Variants in UBA3 observed in about 807,000 individuals in gnomAD.
UBA3 encodes NEDD8-activating enzyme E1 catalytic subunit.
Under a neutral mutation model 73.5 loss-of-function variants are expected in UBA3, and 26 were observed. The ratio of observed to expected loss-of-function variants is 0.35; its 90% confidence interval spans 0.26 to 0.49. The LOEUF (loss-of-function observed/expected upper bound fraction) is 0.49, where lower values mean the gene tolerates loss of function less well. Ranked by LOEUF, UBA3 falls within the 20% of genes least tolerant of loss-of-function variation. The pLI, the probability that UBA3 is intolerant of heterozygous loss-of-function variation, is 0.98. For missense variants in UBA3, 495 were observed against 555.6 expected, an observed-to-expected ratio of 0.89 and a Z score of 1.10; for synonymous variants, 217 against 191.2, an observed-to-expected ratio of 1.13 and a Z score of -1.11.
chr3:69,060,277 A>G (rs945996683), intron 11 of UBA3, among the ~76,000 whole-genome samples: 2 of 151,910 alleles, frequency 1.3e-5, no homozygotes, highest in African/African-American at 4.8e-5. Flanking sequence ...CTATACTTGG[A>G]TATTAAGAAA....
chr3:69,069,954 A>G (rs1308519210), intron 5 of UBA3, among the ~76,000 whole-genome samples: 3 of 152,236 alleles, frequency 2.0e-5, no homozygotes, highest in Non-Finnish European at 4.4e-5. Flanking sequence ...CCACCTCAAT[A>G]AAATGGCCTT....
At chr3:69,065,227 C>T (rs924036912) in intron 6 of UBA3, among the ~76,000 whole-genome samples, 13 of 152,020 alleles carry the variant, frequency 8.6e-5, no homozygotes, top group Non-Finnish European at 1.5e-4. Flanking sequence ...GAGTGCCCCC[C>T]ACTAACCAAC....
chr3:69,054,904 A>G lies in UBA3; in HGVS notation c.*533T>C, dbSNP rs1250996875. On this transcript the variant is annotated 3_prime_UTR_variant, in exon 18 of 18. Transcript: ENST00000361055. ...TGCCCATTTTCATGCACAGGTATTC[A>G]GCTATAACACCATTTACAAATCATT... The G allele has an allele frequency of 2.0e-5, 3 of 152,394 alleles. No individual in the cohort carries two copies. Among genetic ancestry groups the G allele is most frequent in the South Asian group, 2.1e-4 (1 of 4,828 alleles). The allele number at this position is 152,394 out of a possible 1,614,324, so 9.4% of individuals were successfully genotyped here.
chr3:69,059,095 G>A (rs989765892), intron 11 of UBA3, among the ~76,000 whole-genome samples: 3 of 152,190 alleles, frequency 2.0e-5, no homozygotes, highest in Admixed American at 6.5e-5. Context: ...GTATCTGCTC[G>A]TATAGTGATT....
chr3:69,056,086 A>G (rs1353657295), intron 15 of UBA3, 23 bp from the exon 16 acceptor site: 1 of 1,578,236 alleles, frequency 6.3e-7, no homozygotes, highest in South Asian at 1.2e-5. Context: ...ATGAGAGAGA[A>G]GTATCAAACA....
At position 69,063,012 on chromosome 3, in the gene UBA3, G is replaced by A. The variant is rs370180950; in HGVS notation, c.663C>T (p.Ile221=). The change falls in exon 9 of 18, where the codon ATC becomes ATT. Residue 221 remains isoleucine, a synonymous_variant. Transcript: ENST00000361055. ...RVILPGMTAC[I]ECTLELYPPQ... ...GTGGATAAAGTTCCAGCGTGCATTC[G>A]ATACAAGCAGTCATTCCAGGCAGAA... is the stretch of plus-strand genomic sequence containing the variant. The A allele has an allele frequency of 4.3e-6, 7 of 1,613,942 alleles. 1 individual carries two copies. In the South Asian group the frequency reaches 4.4e-5, roughly 10 times the overall value.
In UBA3 at chr3:69,063,018, A is replaced by C; in HGVS notation, c.657T>G (p.Ala219=). Reference sequence around the variant, plus strand: ...AAAGTTCCAGCGTGCATTCGATACAAGCAGTCATTCCAGGCAGAATCACCC... The same window carrying C: ...AAAGTTCCAGCGTGCATTCGATACACGCAGTCATTCCAGGCAGAATCACCC... The part of the protein sequence containing the change: ...NARVILPGMT[A]CIECTLELYP... The change falls in exon 9 of 18, where the codon GCT becomes GCG. Residue 219 remains alanine (A), a synonymous_variant. Coordinates refer to ENST00000361055, the MANE Select transcript of UBA3 (RefSeq NM_003968.4). The C allele has an allele frequency of 6.2e-7, 1 of 1,614,088 alleles. No homozygotes were observed. Among genetic ancestry groups the C allele is most frequent in the Non-Finnish European group, 8.5e-7 (1 of 1,179,970 alleles).
At chr3:69,068,471 T>C (rs1196350774) in intron 5 of UBA3, among the ~76,000 whole-genome samples, 1 of 151,666 alleles carries the variant, frequency 6.6e-6, no homozygotes, top group Non-Finnish European at 1.5e-5. Context: ...GCAGCAAATT[T>C]TGTGTCCCCT....
intron 14 of UBA3, 158 bp from the exon 15 acceptor site, chr3:69,056,441 C>T: frequency 1.2e-6 from 1 of 846,842 alleles, no homozygotes; most frequent in Non-Finnish European, 1.8e-6. Context: ...TAGACCATTT[C>T]TTGTAAATTA....
At chr3:69,057,156 A>T (rs1402953123) in intron 12 of UBA3, 100 bp downstream of exon 12, 9 of 1,228,706 alleles carry the variant, frequency 7.3e-6, no homozygotes, top group Non-Finnish European at 1.1e-5. Flanking sequence ...TACACAACCC[A>T]TCCAAGAAGA....
At chr3:69,078,714 C>T (rs565434104) in intron 2 of UBA3, among the ~76,000 whole-genome samples, 1 of 152,280 alleles carries the variant, frequency 6.6e-6, no homozygotes, top group Non-Finnish European at 1.5e-5. Context: ...CTCAAGTAAT[C>T]CGTCCACCTC....
intron 5 of UBA3, among the ~76,000 whole-genome samples, chr3:69,068,545 G>GAAA (rs35335070): frequency 1.6e-5 from 2 of 129,002 alleles, no homozygotes; most frequent in Non-Finnish European, 3.3e-5. Context: ...ATATAAAATG[G>GAAA]AAAAAAAAAA....
chr3:69,063,838 C>T (rs762949593), intron 7 of UBA3, among the ~76,000 whole-genome samples: 5 of 152,126 alleles, frequency 3.3e-5, no homozygotes, highest in Admixed American at 6.5e-5. Flanking sequence ...CTCAGAGCTC[C>T]AATTCCTTGA....
chr3:69,057,947 A>G (rs1378988004), intron 11 of UBA3, among the ~76,000 whole-genome samples: 1 of 105,286 alleles, frequency 9.5e-6, no homozygotes, highest in Non-Finnish European at 1.8e-5. Context: ...TTTTTTTGAG[A>G]CAGAGTCTCG....
intron 2 of UBA3, among the ~76,000 whole-genome samples, chr3:69,079,496 T>C (rs1257505009): frequency 6.6e-6 from 1 of 152,220 alleles, no homozygotes; most frequent in Admixed American, 6.5e-5. Context: ...CTGGCCAGGT[T>C]AGAAAACACT....
rs940283988 is a variant in UBA3 at position 69,063,936 on chromosome 3, T to C, written c.472+132A>G. 7 of 766,314 alleles carry C rather than the reference T, an allele frequency of 9.1e-6. No individual in the cohort carries two copies. The African/African-American group carries it at 1.1e-4, about 12-fold the overall frequency. The allele number at this position is 766,314 out of a possible 1,614,324, so 47.5% of individuals were successfully genotyped here. On this transcript the variant is annotated intron_variant, in intron 7 of 17. Transcript: ENST00000361055. ...TCTCTTTTCAGTCTATCAGCAACAT[T>C]ACTGAAAAGCCAACAGTGAGAGAGG...
At chr3:69,063,227 G>A (rs1240596489) in intron 8 of UBA3, 90 bp from the exon 9 acceptor site, 2 of 1,512,936 alleles carry the variant, frequency 1.3e-6, no homozygotes, top group African/African-American at 2.8e-5. Flanking sequence ...TGAGTCGGTT[G>A]TGCTATTGAA....
chr3:69,066,175 G>A (rs1194731932), intron 6 of UBA3, among the ~76,000 whole-genome samples: 1 of 151,990 alleles, frequency 6.6e-6, no homozygotes, highest in Non-Finnish European at 1.5e-5. Flanking sequence ...TAATTTTTTA[G>A]AGATGATGTC....
intron 7 of UBA3, 48 bp downstream of exon 7, chr3:69,064,020 A>G (rs564616265): frequency 6.5e-7 from 1 of 1,526,910 alleles, no homozygotes; most frequent in Admixed American, 2.0e-5. Context: ...CTACCAACTA[A>G]AAAATTCTAA....
Sources: gnomAD v4.1 joint callset for allele counts (sites outside exome capture counted in the v4.1 genomes callset) on GRCh38, gnomAD v4.1.1 for gene constraint, MANE v1.5 for transcripts, NCBI Gene and HGNC (gene_info 2026-07-23, HGNC 2026-07-21) for gene names.